Variants in NTM observed in about 807,000 individuals in gnomAD.
NTM encodes neurotrimin.
NTM carries 13 observed loss-of-function variants against 42.1 expected under a neutral mutation model. The ratio of observed to expected loss-of-function variants is 0.31; its 90% CI spans 0.20 to 0.49. The LOEUF (loss-of-function observed/expected upper bound fraction) is 0.49, where lower values mean the gene tolerates loss of function less well. Among genes scored for constraint, NTM ranks in the 20% least tolerant of loss-of-function variants. NTM has a pLI of 0.99. For synonymous variants in NTM, 187 were observed against 179.2 expected (o/e 1.04, Z -0.35); for missense variants, 373 against 452.8 (o/e 0.82, Z 1.60).
At position 132,285,638 on chromosome 11, in the gene NTM, G is replaced by A. The variant is rs140216942; in HGVS notation, c.527-22051G>A. Among the ~76,000 whole-genome samples the A allele has an allele frequency of 7.8e-3, 1,188 of 152,222 alleles. 17 individuals carry two copies. Among genetic ancestry groups the A allele is most frequent in the African/African-American group, 0.026 (1,084 of 41,534 alleles). ...TTTCTCCATGAGTTATATTCACAGC[G>A]GTTCCCCAGGCATCAAATTGGCAAT... On this transcript the variant is annotated intron_variant, in intron 4 of 8. Coordinates refer to ENST00000683400, the MANE Select transcript of NTM (RefSeq NM_001352005.2).
intron 2 of NTM, among the ~76,000 whole-genome samples, chr11:132,030,673 AAGCCCTGTGGC>A (rs2075799456): frequency 2.6e-5 from 4 of 152,238 alleles, no homozygotes; most frequent in African/African-American, 9.6e-5. Context: ...TCATATGCCA[AAGCCCTGTGGC>A]AGGAGTATGC....
chr11:131,680,545 G>A (rs1161914506), intron 1 of NTM, among the ~76,000 whole-genome samples: 12 of 145,734 alleles, frequency 8.2e-5, no homozygotes, highest in African/African-American at 2.8e-4. Context: ...GTGTCTGTGA[G>A]TGCCTGTGTG....
intron 1 of NTM, among the ~76,000 whole-genome samples, chr11:131,485,508 T>C (rs572988015): frequency 1.3e-4 from 20 of 152,156 alleles, no homozygotes; most frequent in Non-Finnish European, 2.6e-4. Flanking sequence ...AAAAGTGCAA[T>C]GTCCCAGAGC....
intron 4 of NTM, among the ~76,000 whole-genome samples, chr11:132,271,569 C>A (rs1428678281): frequency 6.6e-6 from 1 of 151,998 alleles, no homozygotes; most frequent in Non-Finnish European, 1.5e-5. Flanking sequence ...TATTATCCAT[C>A]TTTTTTATTA....
chr11:132,068,921 C>G (rs1247762570), intron 2 of NTM, among the ~76,000 whole-genome samples: 1 of 152,234 alleles, frequency 6.6e-6, no homozygotes, highest in Non-Finnish European at 1.5e-5. Flanking sequence ...AGGATCATCT[C>G]TTTTATTTAA....
chr11:132,180,239 G>T (rs1361087220), intron 3 of NTM, among the ~76,000 whole-genome samples: 2 of 152,046 alleles, frequency 1.3e-5, no homozygotes, highest in African/African-American at 2.4e-5. Flanking sequence ...CTTCAGAGAG[G>T]ATGAAATAAT....
chr11:131,662,186 A>G (rs760889499), intron 1 of NTM: 1 of 152,220 alleles, frequency 6.6e-6, no homozygotes, highest in African/African-American at 2.4e-5. Context: ...ATGTTCTTTA[A>G]ATCTTCTTTC....
chr11:131,474,878 C>T (rs1243075578), intron 1 of NTM, among the ~76,000 whole-genome samples: 26 of 152,140 alleles, frequency 1.7e-4, no homozygotes. Flanking sequence ...CATATTAGTA[C>T]CCATATTTGA....
chr11:131,980,736 A>AAG lies in NTM; in HGVS notation c.167+69090_167+69091dup, dbSNP rs1222084659. On this transcript the variant is annotated intron_variant, in intron 2 of 8. Coordinates refer to ENST00000683400, the MANE Select transcript of NTM (RefSeq NM_001352005.2). The stretch of plus-strand genomic sequence containing the variant: ...TAGAAAAAGCTTTGATGTGGCCCTT[A>AAG]AGATGCTCAGTGTGGTGATAGAAAG... 2.6e-5 allele frequency among the ~76,000 whole-genome samples: 4 copies of AAG among 152,196 alleles called. No homozygotes were observed. In the East Asian group the frequency reaches 5.8e-4, roughly 22 times the overall value.
intron 1 of NTM, among the ~76,000 whole-genome samples, chr11:131,494,176 T>C (rs35439770): frequency 1.3e-5 from 2 of 151,332 alleles, no homozygotes; most frequent in African/African-American, 4.9e-5. Context: ...GTTACTATTG[T>C]TATTATTATT....
At chr11:132,107,740 G>A (rs1274128351) in intron 2 of NTM, among the ~76,000 whole-genome samples, 1 of 152,100 alleles carries the variant, frequency 6.6e-6, no homozygotes, top group Non-Finnish European at 1.5e-5. Flanking sequence ...TCTATGATAT[G>A]TTCTCATTGT....
At chr11:131,696,158 C>T (rs2075416393) in intron 1 of NTM, among the ~76,000 whole-genome samples, 1 of 152,156 alleles carries the variant, frequency 6.6e-6, no homozygotes, top group Non-Finnish European at 1.5e-5. Context: ...CTAACAGCCT[C>T]GGAGAGAACA....
At chr11:131,865,743 CACACACACAAGCT>C (rs2047075657) in intron 1 of NTM, among the ~76,000 whole-genome samples, 1 of 149,090 alleles carries the variant, frequency 6.7e-6, no homozygotes, top group South Asian at 2.1e-4. Flanking sequence ...TCACACGTTG[CACACACACAAGCT>C]ACACACACAT....
At chr11:132,035,904 C>T (rs1221609226) in intron 2 of NTM, among the ~76,000 whole-genome samples, 1 of 152,158 alleles carries the variant, frequency 6.6e-6, no homozygotes, top group Non-Finnish European at 1.5e-5. Flanking sequence ...GCTTTAACAG[C>T]TAAGAATTCC....
chr11:131,604,755 T>G (rs192682345), intron 1 of NTM, among the ~76,000 whole-genome samples: 2 of 151,780 alleles, frequency 1.3e-5, no homozygotes, highest in Non-Finnish European at 2.9e-5. Flanking sequence ...AGAATCCCAC[T>G]TCTTTCCTTT....
At chr11:132,080,439 C>T (rs1394877682) in intron 2 of NTM, among the ~76,000 whole-genome samples, 1 of 152,134 alleles carries the variant, frequency 6.6e-6, no homozygotes, top group Admixed American at 6.5e-5. Flanking sequence ...GCACAAAATC[C>T]CCAGCAGCCA....
intron 4 of NTM, among the ~76,000 whole-genome samples, chr11:132,305,733 C>T (rs2095053262): frequency 6.6e-6 from 1 of 152,214 alleles, no homozygotes. Flanking sequence ...CACCCATCCT[C>T]AAATCAAGGT....
chr11:131,391,742 C>T (rs1038784354), intron 1 of NTM, among the ~76,000 whole-genome samples: 21 of 150,896 alleles, frequency 1.4e-4, no homozygotes, highest in South Asian at 4.2e-4. Flanking sequence ...GCACCCTGTG[C>T]GGCTCATTTC....
At chr11:131,789,816 T>C (rs568920016) in intron 1 of NTM, among the ~76,000 whole-genome samples, 5,962 of 149,660 alleles carry the variant, frequency 0.04, 297 homozygotes, top group African/African-American at 0.11. Context: ...ATTAGCCGGG[T>C]GTGGTGGCGG....
Sources: allele counts gnomAD v4.1 joint callset (sites outside exome capture counted in the v4.1 genomes callset), GRCh38; gene constraint gnomAD v4.1.1; transcripts MANE v1.5; gene names NCBI Gene and HGNC (gene_info 2026-07-23, HGNC 2026-07-21).